Variants in RESF1 observed in about 807,000 individuals in gnomAD.
The protein encoded by RESF1 is retroelement silencing factor 1, also known as gonad expressed transcript.
RESF1 carries 65 observed loss-of-function variants against 134.7 expected under a neutral mutation model. The observed-to-expected ratio is 0.48, with a 90% CI of 0.40 to 0.59. The LOEUF is 0.59. Ranked by LOEUF, RESF1 falls within the 20% of genes least tolerant of loss-of-function variation. The pLI, the probability that RESF1 is intolerant of heterozygous loss-of-function variation, is 0.00. For synonymous variants in RESF1, 762 were observed against 702.2 expected (o/e 1.09, Z -1.35); for missense variants, 2,274 against 2,002.7 (o/e 1.14, Z -2.59).
intron 5 of RESF1, among the ~76,000 whole-genome samples, chr12:31,989,220 C>A (rs1940043245): frequency 6.7e-6 from 1 of 148,524 alleles, no homozygotes; most frequent in African/African-American, 2.5e-5. Context: ...CACGGTGAAA[C>A]CCTGTCTCTA....
rs990868539 is a variant in RESF1, at chr12:31,987,412, G to C, written c.5086+90G>C. On this transcript the variant is annotated intron_variant, in intron 5 of 5. Transcript: ENST00000312561. ...TGGTTATGATATGATTGTAAAGTAT[G>C]ATTTTATCCATGTTCTTTTTTTTTT... 2.0e-5 allele frequency: 14 copies of C among 708,816 alleles called. No homozygotes were observed. The South Asian group carries it at 2.6e-4, about 13-fold the overall frequency. 43.9% of individuals were successfully genotyped at this position (708,816 alleles called of 1,614,324 possible). A position where few individuals can be genotyped will look rare whatever the true frequency, so the allele number is the denominator to read the frequency against.
intron 3 of RESF1, among the ~76,000 whole-genome samples, chr12:31,971,422 G>T (rs138237139): frequency 1.4e-3 from 208 of 152,328 alleles, no homozygotes; most frequent in African/African-American, 4.8e-3. Flanking sequence ...GATTATAGGT[G>T]TGAGCCACTG....
chr12:31,987,202 G>C (rs148228776), intron 4 of RESF1, 37 bp from the exon 5 acceptor site: 1 of 1,144,022 alleles, frequency 8.7e-7, no homozygotes, highest in South Asian at 1.3e-5. Flanking sequence ...GAGATGATTA[G>C]CAATATCTAG....
chr12:31,986,271 A>C (rs1939970222), intron 4 of RESF1, among the ~76,000 whole-genome samples: 2 of 152,202 alleles, frequency 1.3e-5, no homozygotes, highest in African/African-American at 4.8e-5. Context: ...TCCTTGTGGG[A>C]ATGTCAGAAA....
At chr12:31,964,057 C>T (rs1351565764) in intron 2 of RESF1, among the ~76,000 whole-genome samples, 1 of 152,110 alleles carries the variant, frequency 6.6e-6, no homozygotes, top group Admixed American at 6.6e-5. Context: ...GAGTGGAATT[C>T]CTTGGTTATG....
intron 3 of RESF1, among the ~76,000 whole-genome samples, chr12:31,978,746 G>A (rs576692681): frequency 7.7e-6 from 1 of 129,312 alleles, no homozygotes; most frequent in African/African-American, 2.9e-5. Flanking sequence ...ATATTTAGTA[G>A]AGGCCGGGGT....
At chr12:31,967,851 C>T (rs1306739458) in intron 2 of RESF1, among the ~76,000 whole-genome samples, 1 of 152,152 alleles carries the variant, frequency 6.6e-6, no homozygotes, top group Non-Finnish European at 1.5e-5. Context: ...ACTTTTGCAT[C>T]ATTGTAAAGT....
At chr12:31,991,005 G>A (rs181264154) in intron 5 of RESF1, among the ~76,000 whole-genome samples, 2 of 152,172 alleles carry the variant, frequency 1.3e-5, no homozygotes, top group East Asian at 1.9e-4. Flanking sequence ...GACCAGCTTC[G>A]GCAACATCAG....
At position 31,982,162 on chromosome 12, in the gene RESF1, A is replaced by T; in HGVS notation, c.1207A>T (p.Ile403Leu). The T allele has an allele frequency of 6.2e-7, 1 of 1,612,592 alleles. No individual in the cohort carries two copies. Among genetic ancestry groups the T allele is most frequent in the Non-Finnish European group, 8.5e-7 (1 of 1,179,634 alleles). Residue 403 changes from isoleucine to leucine, a missense_variant, in exon 4 of 6, where the codon ATA (isoleucine) becomes TTA (leucine). Physicochemically the swap from Ile to Leu is conservative, Grantham distance 5 (BLOSUM62 2). Coordinates refer to ENST00000312561, the MANE Select transcript of RESF1 (RefSeq NM_018169.4). ...LVRDIKTLVE[I>L]KQKFSELARK... is the part of the protein sequence containing the mutation. ...AAGGGATATTAAAACATTAGTAGAG[A>T]TAAAACAGAAGTTTTCAGAACTTGC...
At chr12:31,961,961 G>A (rs1592247706) in intron 2 of RESF1, among the ~76,000 whole-genome samples, 1 of 152,152 alleles carries the variant, frequency 6.6e-6, no homozygotes, top group Non-Finnish European at 1.5e-5. Flanking sequence ...GGTGGCTCAC[G>A]CCTATAATGC....
chr12:31,984,962 C>T lies in RESF1; in HGVS notation c.4007C>T (p.Thr1336Ile). Residue 1336 changes from threonine to isoleucine, a missense_variant, in exon 4 of 6, where the codon ACA becomes ATA. Coordinates refer to ENST00000312561, the MANE Select transcript of RESF1 (RefSeq NM_018169.4). ...ACACAGAACTCACGTCCACTAAAAA[C>T]AAAAACAGCTTTTTTGCCAAATAAA... ...HVTQNSRPLK[T>I]KTAFLPNKDV... The T allele has an allele frequency of 6.2e-7, 1 of 1,613,074 alleles. No individual in the cohort carries two copies.
Position 31,981,896 on chromosome 12 carries a change from C to T in RESF1, c.941C>T (p.Ser314Phe), listed in dbSNP as rs765845745. The change falls in exon 4 of 6, where the codon TCT becomes TTT. Residue 314 changes from serine to phenylalanine, a missense_variant. Physicochemically the swap from Ser to Phe is radical, Grantham distance 155. Coordinates refer to ENST00000312561, the MANE Select transcript of RESF1 (RefSeq NM_018169.4). ...CCTCAGAGTCGAGAAATGCTGTCAT[C>T]TGAAATAAGGACCAGCTTTCAACAG... The part of the protein sequence containing the change: ...EVPQSREMLS[S>F]EIRTSFQQQW... 6.2e-7 allele frequency: 1 copy of T among 1,614,096 alleles called. No homozygotes were observed. The highest frequency in any genetic ancestry group is 1.3e-5 in the African/African-American group (1 of 75,034).
rs556707419 is a variant in RESF1 at position 31,984,061 on chromosome 12, C to T, written c.3106C>T (p.Pro1036Ser). The T allele has an allele frequency of 6.2e-7, 1 of 1,614,098 alleles. No homozygotes were observed. The highest frequency in any genetic ancestry group is 8.5e-7 in the Non-Finnish European group (1 of 1,179,996). The change falls in exon 4 of 6, where the codon CCT (proline) becomes TCT (serine). Residue 1036 changes from proline (P) to serine (S), a missense_variant. Transcript: ENST00000312561. ...DASSNYTPQD[P>S]ARNEIHSDKA... ...ATCCAGCAACTATACTCCCCAAGATCCTGCAAGAAATGAAATCCACAGTGA... is the reference window on the plus strand; with the variant it reads ...ATCCAGCAACTATACTCCCCAAGATTCTGCAAGAAATGAAATCCACAGTGA...
rs371163140 is a variant in RESF1 at position 31,983,779 on chromosome 12, C to T, written c.2824C>T (p.Gln942Ter). 4 of 1,613,248 alleles carry T rather than the reference C, an allele frequency of 2.5e-6. No individual in the cohort carries two copies. Among genetic ancestry groups the T allele is most frequent in the Non-Finnish European group, 3.4e-6 (4 of 1,179,956 alleles). The change falls in exon 4 of 6, where the codon CAA becomes TAA. Residue 942 changes from glutamine to a stop codon, truncating the protein, a stop_gained. Transcript: ENST00000312561. LOFTEE classifies it high-confidence loss of function. ...GATTGGCAGCAGAGAACCAGAAAAA[C>T]AATTAGATAATACCACTGAAAATAA... ...QGIGSREPEK[Q>*]LDNTTENKDF...
intron 3 of RESF1, among the ~76,000 whole-genome samples, chr12:31,978,846 G>A (rs879604731): frequency 3.3e-5 from 5 of 151,158 alleles, no homozygotes; most frequent in Non-Finnish European, 7.4e-5. Context: ...CAGGATTACA[G>A]GTGTGAGGCA....
Position 31,985,292 on chromosome 12 carries a change from C to A in RESF1, c.4337C>A (p.Pro1446His). The change falls in exon 4 of 6, where the codon CCT becomes CAT. Residue 1446 changes from proline (P) to histidine (H), a missense_variant. Coordinates refer to ENST00000312561, the MANE Select transcript of RESF1 (RefSeq NM_018169.4). ...SSSKFSRILT[P>H]KEYLQRQKHK... ...TCTAAATTTAGTAGAATTCTAACTC[C>A]TAAGGAGTATTTACAAAGGCAGAAG... 6.2e-7 allele frequency: 1 copy of A among 1,613,082 alleles called. No individual in the cohort carries two copies. The highest frequency in any genetic ancestry group is 8.5e-7 in the Non-Finnish European group (1 of 1,179,816).
intron 3 of RESF1, among the ~76,000 whole-genome samples, chr12:31,976,142 T>C (rs537340410): frequency 1.2e-4 from 18 of 152,348 alleles, no homozygotes; most frequent in African/African-American, 3.1e-4. Flanking sequence ...TACCACCTTA[T>C]GGTTTTCATT....
At position 31,984,323 on chromosome 12, in the gene RESF1, A is replaced by G; in HGVS notation, c.3368A>G (p.Asp1123Gly). ...QMKEIFPEQDDQPYVVDKLAE... is the reference protein window; with the variant it reads ...QMKEIFPEQDGQPYVVDKLAE... ...AAAGAAATATTTCCTGAACAGGATG[A>G]TCAACCCTATGTAGTAGACAAGTTG... is the stretch of plus-strand genomic sequence containing the variant. Residue 1123 changes from aspartate to glycine, a missense_variant, in exon 4 of 6, where the codon GAT becomes GGT. Transcript: ENST00000312561. The G allele has an allele frequency of 6.2e-7, 1 of 1,613,924 alleles. No homozygotes were observed. The highest frequency in any genetic ancestry group is 8.5e-7 in the Non-Finnish European group (1 of 1,179,960).
intron 4 of RESF1, 87 bp from the exon 5 acceptor site, chr12:31,987,152 T>C (rs1748076266): frequency 1.4e-6 from 1 of 729,026 alleles, no homozygotes; most frequent in South Asian, 1.7e-5. Context: ...TCAAAATCTA[T>C]TTTCAGCTTA....
Sources: allele counts gnomAD v4.1 joint callset (sites outside exome capture counted in the v4.1 genomes callset), GRCh38; gene constraint gnomAD v4.1.1; transcripts MANE v1.5; gene names NCBI Gene and HGNC (gene_info 2026-07-23, HGNC 2026-07-21).